MED12L: variants seen among roughly 807,000 people sequenced by gnomAD.
MED12L encodes the protein mediator complex subunit 12L.
In MED12L, 60 loss-of-function variants were observed where a neutral mutation model predicts 281.3. That is an observed-to-expected ratio of 0.21 (90% CI 0.17 to 0.26). The LOEUF is 0.26. MED12L is among the 10% of genes least tolerant of loss of function. The pLI, the probability that MED12L is intolerant of heterozygous loss-of-function variation, is 1.00. For synonymous variants in MED12L, 974 were observed against 987.2 expected (o/e 0.99, Z 0.25); for missense variants, 2,146 against 2,680.9 (o/e 0.80, Z 4.41).
chr3:151,111,041 C>T (rs1382463240), intron 2 of MED12L, among the ~76,000 whole-genome samples: 2 of 152,354 alleles, frequency 1.3e-5, no homozygotes, highest in Non-Finnish European at 2.9e-5. Flanking sequence ...GGCACCACCC[C>T]TGACCTACTG....
chr3:151,401,758 C>G (rs1251745078), intron 39 of MED12L, among the ~76,000 whole-genome samples: 1 of 152,138 alleles, frequency 6.6e-6, no homozygotes, highest in East Asian at 1.9e-4. Context: ...CAAAAATGAA[C>G]TTAGGAGAAG....
At chr3:151,330,531 G>A (rs756151179) in intron 16 of MED12L, among the ~76,000 whole-genome samples, 3 of 152,108 alleles carry the variant, frequency 2.0e-5, no homozygotes, top group Non-Finnish European at 2.9e-5. Flanking sequence ...TAGGAAAAGC[G>A]GAAATTAGGA....
At chr3:151,180,584 A>G (rs1722589767) in intron 11 of MED12L, among the ~76,000 whole-genome samples, 1 of 152,232 alleles carries the variant, frequency 6.6e-6, no homozygotes, top group African/African-American at 2.4e-5. Context: ...TTTCTAGCAC[A>G]TTCTGCCTCC....
At chr3:151,380,553 C>T (rs910481905) in intron 32 of MED12L, among the ~76,000 whole-genome samples, 52 of 149,124 alleles carry the variant, frequency 3.5e-4, no homozygotes, top group African/African-American at 7.4e-4. Flanking sequence ...GCTGAGATCG[C>T]GCCATTGCAC....
intron 16 of MED12L, among the ~76,000 whole-genome samples, chr3:151,289,862 C>T (rs1744016523): frequency 6.6e-6 from 1 of 151,278 alleles, no homozygotes; most frequent in African/African-American, 2.4e-5. Context: ...ACTACAACCA[C>T]TGAATATTCT....
At chr3:151,109,009 G>A (rs1382093181) in intron 2 of MED12L, among the ~76,000 whole-genome samples, 2 of 152,090 alleles carry the variant, frequency 1.3e-5, no homozygotes, top group African/African-American at 4.8e-5. Context: ...CAAGGTAAAT[G>A]CATGAGATTT....
At chr3:151,135,485 G>A (rs917103230) in intron 5 of MED12L, among the ~76,000 whole-genome samples, 1 of 152,214 alleles carries the variant, frequency 6.6e-6, no homozygotes, top group African/African-American at 2.4e-5. Flanking sequence ...TGGGAACTTT[G>A]CAGACTTTAT....
At chr3:151,339,118 GTT>G (rs1560047606) in intron 16 of MED12L, among the ~76,000 whole-genome samples, 2 of 152,066 alleles carry the variant, frequency 1.3e-5, no homozygotes, top group African/African-American at 4.8e-5. Flanking sequence ...TTTGTTGAAT[GTT>G]TGCCTCTTAA....
intron 16 of MED12L, among the ~76,000 whole-genome samples, chr3:151,333,778 C>A (rs938023759): frequency 6.6e-6 from 1 of 152,048 alleles, no homozygotes; most frequent in Non-Finnish European, 1.5e-5. Flanking sequence ...ATTTATTGTT[C>A]AATTAAGAGT....
At chr3:151,264,853 C>G (rs1302793930) in intron 16 of MED12L, among the ~76,000 whole-genome samples, 1 of 152,192 alleles carries the variant, frequency 6.6e-6, no homozygotes, top group Non-Finnish European at 1.5e-5. Context: ...ACATGACCAG[C>G]TGGCCCTGCC....
intron 6 of MED12L, among the ~76,000 whole-genome samples, chr3:151,158,306 T>A (rs1042618204): frequency 1.3e-5 from 2 of 152,194 alleles, no homozygotes; most frequent in Non-Finnish European, 2.9e-5. Flanking sequence ...CACACTTTTG[T>A]TAAGATGATG....
intron 28 of MED12L, 107 bp from the exon 29 acceptor site, chr3:151,376,693 G>C (rs886818677): frequency 7.8e-6 from 7 of 897,938 alleles, no homozygotes; most frequent in Non-Finnish European, 1.1e-5. Context: ...TTATTTCATT[G>C]TGTATGATTA....
chr3:151,276,380 AAC>A (rs1224254927), intron 16 of MED12L, among the ~76,000 whole-genome samples: 1 of 152,226 alleles, frequency 6.6e-6, no homozygotes, highest in Non-Finnish European at 1.5e-5. Flanking sequence ...AATTAAAGGA[AAC>A]ACTCCTTATT....
chr3:151,271,203 C>T lies in MED12L; in HGVS notation c.2250+77537C>T, dbSNP rs112343012. Among the ~76,000 whole-genome samples the T allele has an allele frequency of 6.5e-3, 985 of 152,106 alleles. 7 individuals are homozygous for T. The highest frequency in any genetic ancestry group is 0.014 in the South Asian group (67 of 4,812). ...CAAACTCAGTTTCTTAAAAAAAATG[C>T]TGAAAAGATGCAAACAAATAATTCA... On this transcript the variant is annotated intron_variant, in intron 16 of 44. Transcript: ENST00000687756.
chr3:151,300,461 C>T (rs915166774), intron 16 of MED12L, among the ~76,000 whole-genome samples: 2 of 152,100 alleles, frequency 1.3e-5, no homozygotes, highest in African/African-American at 2.4e-5. Flanking sequence ...TAGCTGAGAC[C>T]ATATGTATGT....
At chr3:151,223,724 T>C (rs535390817) in intron 16 of MED12L, among the ~76,000 whole-genome samples, 39 of 152,296 alleles carry the variant, frequency 2.6e-4, no homozygotes, top group African/African-American at 8.7e-4. Context: ...GTGGAAAAAC[T>C]TACTCTTGGG....
chr3:151,326,576 CA>C (rs904581296), intron 16 of MED12L: 2 of 152,068 alleles, frequency 1.3e-5, no homozygotes, highest in East Asian at 1.9e-4. Context: ...CCAAGTGTAC[CA>C]GGGGGAAATA....
intron 16 of MED12L, among the ~76,000 whole-genome samples, chr3:151,276,507 A>T (rs1306475365): frequency 6.6e-6 from 1 of 152,168 alleles, no homozygotes; most frequent in African/African-American, 2.4e-5. Flanking sequence ...TTGGTATTCT[A>T]GAGACTGCTC....
At chr3:151,287,731 G>A (rs1352786374) in intron 16 of MED12L, among the ~76,000 whole-genome samples, 2 of 152,122 alleles carry the variant, frequency 1.3e-5, no homozygotes, top group Non-Finnish European at 1.5e-5. Flanking sequence ...AAAGCATGTA[G>A]GACAGTGACT....
Sources: allele counts gnomAD v4.1 joint callset (sites outside exome capture counted in the v4.1 genomes callset), GRCh38; gene constraint gnomAD v4.1.1; transcripts MANE v1.5; gene names NCBI Gene and HGNC (gene_info 2026-07-23, HGNC 2026-07-21).